Variants in PAPPA2 observed in about 807,000 individuals in gnomAD.
PAPPA2 encodes pappalysin-2.
Under a neutral mutation model 176.4 loss-of-function variants are expected in PAPPA2, and 86 were observed. That is an observed-to-expected ratio of 0.49 (90% CI 0.41 to 0.58). The LOEUF (loss-of-function observed/expected upper bound fraction) is 0.58, where lower values mean the gene tolerates loss of function less well. Ranked by LOEUF, PAPPA2 falls within the 20% of genes least tolerant of loss-of-function variation. The probability of loss-of-function intolerance (pLI) is 0.00; values close to 1 mark genes in which losing one functional copy is unlikely to be tolerated. For missense variants in PAPPA2, 2,073 were observed against 2,256.9 expected, an observed-to-expected ratio of 0.92 and a Z score of 1.65; for synonymous variants, 809 against 852.2, an observed-to-expected ratio of 0.95 and a Z score of 0.88.
At chr1:176,467,913 A>G (rs1418673837) in intron 1 of PAPPA2, among the ~76,000 whole-genome samples, 3 of 152,218 alleles carry the variant, frequency 2.0e-5, no homozygotes, top group East Asian at 3.9e-4. Flanking sequence ...CTCTCTGTAC[A>G]GTGGATTTGA....
In PAPPA2 at chr1:176,549,555, G is replaced by A. The variant is rs371571778; in HGVS notation, c.-916-5852G>A. ...GCAGCTGTTGAATGGCAGAACAGGG[G>A]CATAATTGTTTATTTGGTAATAGAG... On this transcript the variant is annotated intron_variant, in intron 1 of 22. Transcript: ENST00000367662. Among the ~76,000 whole-genome samples the A allele has an allele frequency of 2.6e-5, 4 of 152,332 alleles. No individual in the cohort carries two copies. The South Asian group carries it at 8.3e-4, about 32-fold the overall frequency.
intron 6 of PAPPA2, among the ~76,000 whole-genome samples, chr1:176,692,925 C>T (rs1262016908): frequency 1.3e-5 from 2 of 150,280 alleles, no homozygotes; most frequent in Non-Finnish European, 2.9e-5. Flanking sequence ...TTTTTTGTCT[C>T]TTTGTCTCTT....
chr1:176,720,922 G>T (rs574938753), intron 12 of PAPPA2, among the ~76,000 whole-genome samples: 3 of 152,310 alleles, frequency 2.0e-5, no homozygotes, highest in South Asian at 4.1e-4. Flanking sequence ...AGGGGAAAGA[G>T]AAAGAGTTTC....
At chr1:176,543,411 T>G (rs996722828) in intron 1 of PAPPA2, among the ~76,000 whole-genome samples, 2 of 152,118 alleles carry the variant, frequency 1.3e-5, no homozygotes, top group Admixed American at 6.6e-5. Flanking sequence ...TTGTTCTCCT[T>G]TCTCTGCCTT....
chr1:176,629,741 C>T (rs1198060136), intron 3 of PAPPA2, among the ~76,000 whole-genome samples: 3 of 152,006 alleles, frequency 2.0e-5, no homozygotes, highest in Admixed American at 1.3e-4. Flanking sequence ...ATTGAACATC[C>T]GTGTATCAGG....
At chr1:176,628,592 T>G (rs1656166479) in intron 3 of PAPPA2, among the ~76,000 whole-genome samples, 1 of 152,184 alleles carries the variant, frequency 6.6e-6, no homozygotes, top group Non-Finnish European at 1.5e-5. Context: ...TAATTACTAT[T>G]GGATATTTTC....
At chr1:176,567,600 T>A (rs1469511922) in intron 2 of PAPPA2, among the ~76,000 whole-genome samples, 1 of 152,194 alleles carries the variant, frequency 6.6e-6, no homozygotes, top group Non-Finnish European at 1.5e-5. Context: ...TTTAACCACA[T>A]GTTGGGGAAT....
chr1:176,492,545 T>C (rs113093335), intron 1 of PAPPA2, among the ~76,000 whole-genome samples: 2,397 of 152,206 alleles, frequency 0.016, 67 homozygotes, highest in African/African-American at 0.055. Flanking sequence ...AGAATTTCCT[T>C]TGTTTCTAAG....
At chr1:176,647,688 T>A (rs1657483327) in intron 3 of PAPPA2, among the ~76,000 whole-genome samples, 1 of 151,778 alleles carries the variant, frequency 6.6e-6, no homozygotes, top group African/African-American at 2.4e-5. Flanking sequence ...CCCTATTGTA[T>A]GTTTTTGGTA....
intron 1 of PAPPA2, among the ~76,000 whole-genome samples, chr1:176,487,400 G>T (rs535131880): frequency 6.6e-5 from 10 of 152,310 alleles, no homozygotes; most frequent in Admixed American, 2.0e-4. Flanking sequence ...TGATGACCTT[G>T]CTACTGTTCT....
At chr1:176,725,780 GT>G (rs1376632395) in intron 12 of PAPPA2, among the ~76,000 whole-genome samples, 16 of 152,254 alleles carry the variant, frequency 1.1e-4, no homozygotes, top group Middle Eastern at 6.8e-3. Context: ...ATATGTCAGA[GT>G]TTTCTTTTCT....
At chr1:176,586,258 A>G (rs1653300011) in intron 2 of PAPPA2, among the ~76,000 whole-genome samples, 1 of 152,188 alleles carries the variant, frequency 6.6e-6, no homozygotes, top group Non-Finnish European at 1.5e-5. Flanking sequence ...TTATTCAAAT[A>G]TTTTGCCTCA....
chr1:176,756,028 G>A (rs114330384), intron 14 of PAPPA2, among the ~76,000 whole-genome samples: 1,773 of 152,072 alleles, frequency 0.012, 26 homozygotes, highest in African/African-American at 0.038. Flanking sequence ...GCACAATCTC[G>A]GCTCACTGCA....
chr1:176,572,346 A>G lies in PAPPA2; in HGVS notation c.919+15105A>G, dbSNP rs1652398029. On this transcript the variant is annotated intron_variant, in intron 2 of 22. Transcript: ENST00000367662. ...GGCCAAGCAGCCAAAGCTATTGCAC[A>G]GCAGAGGTTGACCCAGAGGTCAGCT... Among the ~76,000 whole-genome samples the G allele has an allele frequency of 2.6e-5, 4 of 152,342 alleles. No homozygotes were observed. The Middle Eastern group carries it at 0.01, about 389-fold the overall frequency.
At chr1:176,587,732 CT>C (rs1407474388) in intron 2 of PAPPA2, among the ~76,000 whole-genome samples, 3 of 152,110 alleles carry the variant, frequency 2.0e-5, no homozygotes, top group African/African-American at 7.2e-5. Flanking sequence ...ATGCCTCCAG[CT>C]TTGTTCTTTT....
intron 3 of PAPPA2, among the ~76,000 whole-genome samples, chr1:176,657,246 G>T (rs1658084879): frequency 6.6e-6 from 1 of 151,968 alleles, no homozygotes; most frequent in Non-Finnish European, 1.5e-5. Flanking sequence ...TTATCCTGGA[G>T]ATAGGCATGG....
At chr1:176,491,625 T>C (rs569625498) in intron 1 of PAPPA2, among the ~76,000 whole-genome samples, 4 of 152,332 alleles carry the variant, frequency 2.6e-5, no homozygotes, top group African/African-American at 9.6e-5. Flanking sequence ...ATAAGATGTA[T>C]ACATGAGAAA....
At chr1:176,508,931 A>C (rs1409504460) in intron 1 of PAPPA2, among the ~76,000 whole-genome samples, 1 of 152,090 alleles carries the variant, frequency 6.6e-6, no homozygotes, top group Non-Finnish European at 1.5e-5. Flanking sequence ...CTTTTTTTTA[A>C]AAATAAATTA....
intron 1 of PAPPA2, among the ~76,000 whole-genome samples, chr1:176,527,193 G>A (rs1649545782): frequency 6.6e-6 from 1 of 152,216 alleles, no homozygotes; most frequent in South Asian, 2.1e-4. Context: ...TATCGAAGAA[G>A]AACAGGTTGT....
Sources: allele counts gnomAD v4.1 joint callset (sites outside exome capture counted in the v4.1 genomes callset), GRCh38; gene constraint gnomAD v4.1.1; transcripts MANE v1.5; gene names NCBI Gene and HGNC (gene_info 2026-07-23, HGNC 2026-07-21).